STK32C: variants seen among roughly 807,000 people sequenced by gnomAD.
STK32C encodes the protein serine/threonine-protein kinase 32C.
A neutral mutation model predicts 56.5 loss-of-function variants in STK32C; 31 were observed. The observed-to-expected ratio is 0.55, with a 90% CI of 0.41 to 0.74. The LOEUF (loss-of-function observed/expected upper bound fraction) is 0.74. STK32C is among the 30% of genes least tolerant of loss of function. STK32C has a pLI of 0.00. For synonymous variants in STK32C, 309 were observed against 289.4 expected (o/e 1.07, Z -0.69); for missense variants, 544 against 676.9 (o/e 0.80, Z 2.18).
At chr10:132,267,146 G>A (rs1047954778) in intron 1 of STK32C, among the ~76,000 whole-genome samples, 3 of 151,964 alleles carry the variant, frequency 2.0e-5, no homozygotes, top group Non-Finnish European at 4.4e-5. Flanking sequence ...CCTGTGACAC[G>A]TGGGCCCTGG....
At chr10:132,226,724 G>C (rs1329982079) in intron 4 of STK32C, 71 bp downstream of exon 4, 1 of 1,560,448 alleles carries the variant, frequency 6.4e-7, no homozygotes, top group Non-Finnish European at 8.7e-7. Flanking sequence ...CGCCGTGCCG[G>C]CAGCCTGACC....
chr10:132,235,788 A>G (rs1470772195), intron 2 of STK32C, among the ~76,000 whole-genome samples: 1 of 152,182 alleles, frequency 6.6e-6, no homozygotes, highest in Non-Finnish European at 1.5e-5. Flanking sequence ...ATCAGAAGAC[A>G]TTCACAGACA....
At chr10:132,278,050 G>T (rs1372187763) in intron 1 of STK32C, among the ~76,000 whole-genome samples, 3 of 152,136 alleles carry the variant, frequency 2.0e-5, no homozygotes, top group African/African-American at 7.2e-5. Context: ...TGGTCTTGAG[G>T]GGGCAGCTTA....
intron 1 of STK32C, among the ~76,000 whole-genome samples, chr10:132,280,017 G>C (rs1176808337): frequency 9.5e-6 from 1 of 104,792 alleles, no homozygotes. Flanking sequence ...CCACGCCCCT[G>C]CACTCCATGA....
chr10:132,244,600 C>T (rs998324120), intron 2 of STK32C, among the ~76,000 whole-genome samples: 5 of 152,192 alleles, frequency 3.3e-5, no homozygotes, highest in African/African-American at 9.7e-5. Flanking sequence ...ACATGCTGGC[C>T]GGGCCCAGGC....
At chr10:132,331,644 G>A (rs772081131) in exon 1 of STK32C, 1 of 1,612,888 alleles carries the variant, frequency 6.2e-7, no homozygotes, top group Non-Finnish European at 8.5e-7. Context: ...CGCTCCAAAG[G>A]TGGTGCCTCA....
intron 2 of STK32C, among the ~76,000 whole-genome samples, chr10:132,241,429 T>C (rs937494919): frequency 2.6e-5 from 4 of 152,142 alleles, no homozygotes; most frequent in Admixed American, 2.6e-4. Context: ...AGAATAACCA[T>C]AGGAACGACG....
At chr10:132,271,552 C>A (rs546087918) in intron 1 of STK32C, among the ~76,000 whole-genome samples, 1 of 152,334 alleles carries the variant, frequency 6.6e-6, no homozygotes, top group South Asian at 2.1e-4. Flanking sequence ...TCTGACCCCA[C>A]ACACAGCACT....
In STK32C at chr10:132,267,834, C is replaced by T. The variant is rs373641917; in HGVS notation, c.263-21879G>A. Among the ~76,000 whole-genome samples the T allele has an allele frequency of 1.3e-3, 60 of 45,230 alleles. 1 individual carries two copies. The highest frequency in any genetic ancestry group is 1.4e-3 in the Admixed American group (6 of 4,180). 29.7% of individuals were successfully genotyped at this position (45,230 alleles called of 152,430 possible). A position where few individuals can be genotyped will look rare whatever the true frequency, so the allele number is the denominator to read the frequency against. ...CACATCGTGTGTGTGTGTGTCAGTG[C>T]GTGTGCATGCATGTGTATGCAGGTT... On this transcript the variant is annotated intron_variant, in intron 1 of 11. Coordinates refer to ENST00000298630, the MANE Select transcript of STK32C (RefSeq NM_173575.4).
chr10:132,239,791 G>A (rs948465449), intron 2 of STK32C, among the ~76,000 whole-genome samples: 5 of 152,248 alleles, frequency 3.3e-5, no homozygotes, highest in African/African-American at 1.2e-4. Flanking sequence ...GTCATGTGAG[G>A]GGTCACTCAC....
At chr10:132,224,794 G>A (rs2062822362) in intron 7 of STK32C, among the ~76,000 whole-genome samples, 1 of 152,174 alleles carries the variant, frequency 6.6e-6, no homozygotes, top group Non-Finnish European at 1.5e-5. Flanking sequence ...AGGGCCAGGA[G>A]GGAGCTGGCT....
chr10:132,301,835 G>A (rs2065918873), intron 1 of STK32C, among the ~76,000 whole-genome samples: 1 of 152,234 alleles, frequency 6.6e-6, no homozygotes, highest in Non-Finnish European at 1.5e-5. Context: ...CCGTGGTACA[G>A]AGGGTTAGAG....
upstream of STK32C, chr10:132,331,916 A>ACC (rs56274613): frequency 1.3e-5 from 8 of 617,130 alleles, no homozygotes; most frequent in East Asian, 2.1e-4. Flanking sequence ...GCGCACCACA[A>ACC]CCCCCCCACC....
intron 1 of STK32C, among the ~76,000 whole-genome samples, chr10:132,291,906 A>G (rs2065576880): frequency 6.6e-6 from 1 of 152,160 alleles, no homozygotes; most frequent in Non-Finnish European, 1.5e-5. Flanking sequence ...GCTGACAGCG[A>G]GAGGTGGTGT....
At chr10:132,327,455 A>G (rs2066522667) in intron 1 of STK32C, among the ~76,000 whole-genome samples, 1 of 152,032 alleles carries the variant, frequency 6.6e-6, no homozygotes, top group African/African-American at 2.4e-5. Flanking sequence ...CCATGGCTAC[A>G]ATAGGTAATT....
intron 1 of STK32C, among the ~76,000 whole-genome samples, chr10:132,280,387 C>T (rs1219687430): frequency 7.3e-6 from 1 of 136,782 alleles, no homozygotes; most frequent in Non-Finnish European, 1.6e-5. Flanking sequence ...TCACGACACT[C>T]CACCCCGTGA....
intron 1 of STK32C, among the ~76,000 whole-genome samples, chr10:132,272,148 G>C (rs1162502633): frequency 6.6e-6 from 1 of 152,264 alleles, no homozygotes; most frequent in Non-Finnish European, 1.5e-5. Flanking sequence ...TGTGTGTGGA[G>C]ATGAGATCTT....
rs763253703 is a variant in STK32C at position 132,226,795 on chromosome 10, C to T, written c.644G>A (p.Arg215Lys). Residue 215 changes from arginine to lysine, a missense_variant and splice_region_variant, in exon 4 of 12, where the codon AGA becomes AAA. Around this residue, in one of 3 missense-constraint regions of STK32C, gnomAD observed 85 missense variants for 149.9 expected, o/e 0.57. Coordinates refer to ENST00000298630, the MANE Select transcript of STK32C (RefSeq NM_173575.4). ...CCTGCGCCGTCTGCCACGCACACAC[C>T]TGTGGATGATGTGCTGGCCGCGCAG... The part of the protein sequence containing the change: ...DYLRGQHIIH[R>K]DVKPDNILLD... The T allele has an allele frequency of 6.2e-7, 1 of 1,612,534 alleles. No homozygotes were observed. The highest frequency in any genetic ancestry group is 8.5e-7 in the Non-Finnish European group (1 of 1,179,960).
intron 10 of STK32C, 125 bp downstream of exon 10, chr10:132,222,516 G>A: frequency 7.8e-7 from 1 of 1,280,872 alleles, no homozygotes; most frequent in African/African-American, 1.5e-5. Context: ...CAGGACTTCA[G>A]GAAACGGTCT....
Sources: gnomAD v4.1 joint callset for allele counts (sites outside exome capture counted in the v4.1 genomes callset) on GRCh38, gnomAD v4.1.1 for gene constraint, gnomAD v4.1.1 regional missense constraint, MANE v1.5 for transcripts, NCBI Gene and HGNC (gene_info 2026-07-23, HGNC 2026-07-21) for gene names.